The following MED29 variants were observed in gnomAD, a reference collection of about 807,000 sequenced individuals.
MED29 encodes the protein mediator of RNA polymerase II transcription subunit 29.
Under a neutral mutation model 22.0 loss-of-function variants are expected in MED29, and 14 were observed. The observed-to-expected ratio is 0.64, with a 90% CI of 0.42 to 0.99. MED29 has a LOEUF of 0.99. Among genes scored for constraint, MED29 ranks in the 50% least tolerant of loss-of-function variants. MED29 has a pLI of 0.00. For synonymous variants in MED29, 123 were observed against 107.8 expected, an observed-to-expected ratio of 1.14 and a Z score of -0.87; for missense variants, 241 against 253.7, an observed-to-expected ratio of 0.95 and a Z score of 0.34.
intron 3 of MED29, among the ~76,000 whole-genome samples, chr19:39,396,773 C>T (rs2078430808): frequency 1.3e-5 from 2 of 150,608 alleles, no homozygotes; most frequent in South Asian, 4.2e-4. Flanking sequence ...GCCTGTAATT[C>T]CAGCACTTTG....
intron 3 of MED29, 47 bp downstream of exon 3, chr19:39,393,684 T>A: frequency 6.6e-7 from 1 of 1,505,422 alleles, no homozygotes; most frequent in Non-Finnish European, 9.2e-7. Context: ...TGTCCCAGTC[T>A]CTGGGGTCTT....
At position 39,391,617 on chromosome 19, in the gene MED29, G is replaced by A. The variant is rs145662630; in HGVS notation, c.195G>A (p.Pro65=). 3.7e-6 allele frequency: 6 copies of A among 1,604,520 alleles called. No individual in the cohort carries two copies. The highest frequency in any genetic ancestry group is 1.7e-4 in the Middle Eastern group (1 of 6,034). Residue 65 remains proline (P), a synonymous_variant, in exon 1 of 4, where the codon CCG becomes CCA. Coordinates refer to ENST00000315588, the MANE Select transcript of MED29 (RefSeq NM_017592.4). ...DPVQRYKMLI[P]QLKESLQTLM... ...TGCAGCGTTATAAGATGCTCATCCC[G>A]CAGCTGAAGGAGAGTCTACAGGTGA...
At chr19:39,394,059 C>T (rs751272763) in intron 3 of MED29, among the ~76,000 whole-genome samples, 1 of 152,162 alleles carries the variant, frequency 6.6e-6, no homozygotes, top group Non-Finnish European at 1.5e-5. Context: ...AGAAGAGGGG[C>T]AGGAGTTGAG....
chr19:39,393,119 A>G (rs1441666965), intron 2 of MED29, among the ~76,000 whole-genome samples: 1 of 90,466 alleles, frequency 1.1e-5, no homozygotes, highest in Admixed American at 1.8e-4. Context: ...TTTTTGAGAC[A>G]GAGTCTTGCT....
rs199626460 is a variant in MED29, at chr19:39,391,644, T to C, written c.216+6T>C. ...AGCTGAAGGAGAGTCTACAGGTGAT[T>C]GGCCTTAAGCAGCGAGAAGCAAACT... On this transcript the variant is annotated splice_donor_region_variant and intron_variant, in intron 1 of 3. Transcript: ENST00000315588. 1.3e-6 allele frequency: 2 copies of C among 1,579,366 alleles called. No homozygotes were observed. Among genetic ancestry groups the C allele is most frequent in the South Asian group, 2.2e-5 (2 of 89,134 alleles).
intron 2 of MED29, 87 bp from the exon 3 acceptor site, chr19:39,393,466 T>G: frequency 8.1e-7 from 1 of 1,236,588 alleles, no homozygotes; most frequent in Non-Finnish European, 1.2e-6. Flanking sequence ...TGTACCTGGT[T>G]TCCTGATGGA....
At position 39,391,428 on chromosome 19, in the gene MED29, T is replaced by C. The variant is rs1471472784; in HGVS notation, c.6T>C (p.Ala2=). The change falls in exon 1 of 4, where the codon GCT becomes GCC. Residue 2 remains alanine, a synonymous_variant. Transcript: ENST00000315588. M[A]ASQQQASAAS... ...CGGCGGTCTACGCGAGGAAGATGGC[T>C]GCATCCCAGCAGCAAGCTTCAGCGG... is the stretch of plus-strand genomic sequence containing the variant. The C allele has an allele frequency of 2.5e-6, 4 of 1,612,602 alleles. No homozygotes were observed. The South Asian group carries it at 4.4e-5, about 18-fold the overall frequency.
In MED29 at chr19:39,400,366, A is replaced by C. The variant is rs1339858274; in HGVS notation, c.*2667A>C. On this transcript the variant is annotated 3_prime_UTR_variant, in exon 4 of 4. Coordinates refer to ENST00000315588, the MANE Select transcript of MED29 (RefSeq NM_017592.4). ...CTGCACTCCAGCTTGGTTCATGGAG[A>C]CCCTGTTTTTTTAAAAAAAGAAGTG... 4 of 151,932 alleles carry C rather than the reference A, an allele frequency of 2.6e-5. No individual in the cohort carries two copies. The highest frequency in any genetic ancestry group is 7.3e-5 in the African/African-American group (3 of 41,332). The allele number at this position is 151,932 out of a possible 1,614,324, so 9.4% of individuals were successfully genotyped here.
intron 3 of MED29, 133 bp downstream of exon 3, chr19:39,393,770 G>A: frequency 1.3e-6 from 1 of 760,684 alleles, no homozygotes; most frequent in South Asian, 1.5e-5. Context: ...CACCAACACT[G>A]AGGACACAGG....
rs1349777499 is a variant in MED29 at position 39,398,791 on chromosome 19, C to A, written c.*1092C>A. The A allele has an allele frequency of 6.6e-6, 1 of 152,326 alleles. No individual in the cohort carries two copies. Among genetic ancestry groups the A allele is most frequent in the African/African-American group, 2.4e-5 (1 of 41,452 alleles). The allele number at this position is 152,326 out of a possible 1,614,324, so 9.4% of individuals were successfully genotyped here. On this transcript the variant is annotated 3_prime_UTR_variant, in exon 4 of 4. Transcript: ENST00000315588. ...TCAGCCTGGTTGGAGAACTGCCCCA[C>A]CCAGTATCTTCTGTGCCATGGTTCC...
In MED29 at chr19:39,393,081, C is replaced by CTTTTTTT. The variant is rs142198224; in HGVS notation, c.276-446_276-440dup. Among the ~76,000 whole-genome samples the CTTTTTTT allele has an allele frequency of 1.4e-3, 49 of 34,694 alleles. 1 individual carries two copies. The highest frequency in any genetic ancestry group is 4.1e-3 in the East Asian group (3 of 734). 22.8% of individuals were successfully genotyped at this position (34,694 alleles called of 152,430 possible). On this transcript the variant is annotated intron_variant, in intron 2 of 3. Transcript: ENST00000315588. ...TTTTCTTTCTTTCTTTCTTTCTTTT[C>CTTTTTTT]TTTTTTTTTTTTTTTTTTTTTTTTT...
intron 3 of MED29, among the ~76,000 whole-genome samples, chr19:39,394,055 G>T (rs1015930735): frequency 3.3e-5 from 5 of 152,174 alleles, no homozygotes; most frequent in Non-Finnish European, 7.3e-5. Context: ...GAAGAGAAGA[G>T]GGGCAGGAGT....
intron 2 of MED29, among the ~76,000 whole-genome samples, chr19:39,392,975 C>T (rs1288440811): frequency 6.6e-6 from 1 of 151,768 alleles, no homozygotes; most frequent in Non-Finnish European, 1.5e-5. Flanking sequence ...GTCTCAAACT[C>T]CTGGGTTCAA....
chr19:39,397,642 CA>C lies in MED29; in HGVS notation c.548del (p.Asn183ThrfsTer38), dbSNP rs777624841. 3 of 1,613,166 alleles carry C rather than the reference CA, an allele frequency of 1.9e-6. No individual in the cohort carries two copies. The highest frequency in any genetic ancestry group is 2.5e-6 in the Non-Finnish European group (3 of 1,179,976). ...TTCACACCGCCCTGCTGGACTGTGC[CA>C]ACAAGGTCACGGGCAAGACACCCGC... ...DIHTALLDCA[N>X]KVTGKTPAPP... is the part of the protein sequence containing the mutation. On this transcript the variant is annotated frameshift_variant, in exon 4 of 4. Coordinates refer to ENST00000315588, the MANE Select transcript of MED29 (RefSeq NM_017592.4). LOFTEE classifies it high-confidence loss of function.
chr19:39,393,075 TCTTTTC>T (rs549908374), intron 2 of MED29, among the ~76,000 whole-genome samples: 1,290 of 87,876 alleles, frequency 0.015, 54 homozygotes, highest in South Asian at 0.021. Context: ...TTTCTTTCTT[TCTTTTC>T]TTTTTTTTTT....
At chr19:39,396,358 C>G (rs911168500) in intron 3 of MED29, among the ~76,000 whole-genome samples, 3 of 151,180 alleles carry the variant, frequency 2.0e-5, no homozygotes, top group Non-Finnish European at 4.4e-5. Context: ...TCTCTTGAAC[C>G]CGGGAGGTGG....
intron 2 of MED29, among the ~76,000 whole-genome samples, chr19:39,393,138 C>T (rs2078408288): frequency 1.6e-5 from 2 of 122,828 alleles, no homozygotes; most frequent in Admixed American, 1.0e-4. Flanking sequence ...CTCTGTCGCC[C>T]AGGCTGGAGT....
At chr19:39,394,384 C>T (rs1436595808) in intron 3 of MED29, among the ~76,000 whole-genome samples, 1 of 152,002 alleles carries the variant, frequency 6.6e-6, no homozygotes, top group African/African-American at 2.4e-5. Context: ...GCCTCAGCCT[C>T]CCAAGTAACT....
chr19:39,397,395 T>C, intron 3 of MED29, 62 bp from the exon 4 acceptor site: 1 of 1,542,128 alleles, frequency 6.5e-7, no homozygotes, highest in Non-Finnish European at 8.8e-7. Context: ...AGCTGGCCCT[T>C]GGGGTGGGGT....
Sources: allele counts gnomAD v4.1 joint callset (sites outside exome capture counted in the v4.1 genomes callset), GRCh38; gene constraint gnomAD v4.1.1; transcripts MANE v1.5; gene names NCBI Gene and HGNC (gene_info 2026-07-23, HGNC 2026-07-21).